Variants in ELAVL2 observed in about 807,000 individuals in gnomAD.
The protein encoded by ELAVL2 is ELAV-like protein 2.
ELAVL2 carries 4 observed loss-of-function variants against 34.6 expected under a neutral mutation model. The ratio of observed to expected loss-of-function variants is 0.12; its 90% CI spans 0.06 to 0.26. The LOEUF is 0.26. Ranked by LOEUF, ELAVL2 falls within the 10% of genes least tolerant of loss-of-function variation. ELAVL2 has a pLI of 1.00. For missense variants in ELAVL2, 432 were observed against 442.8 expected (o/e 0.98, Z 0.22); for synonymous variants, 193 against 154.8 (o/e 1.25, Z -1.83).
At chr9:23,712,523 T>C (rs16907633) in intron 3 of ELAVL2, among the ~76,000 whole-genome samples, 7,196 of 152,242 alleles carry the variant, frequency 0.047, 548 homozygotes, top group African/African-American at 0.16. Flanking sequence ...TAGGAGATGT[T>C]GGAGAAAAAA....
chr9:23,799,975 A>T (rs1463893517), intron 1 of ELAVL2, among the ~76,000 whole-genome samples: 2 of 152,186 alleles, frequency 1.3e-5, no homozygotes, highest in African/African-American at 4.8e-5. Context: ...GGTGCAGGGG[A>T]CAGACCTAAT....
At chr9:23,748,184 A>C (rs1275698378) in intron 2 of ELAVL2, among the ~76,000 whole-genome samples, 1 of 151,162 alleles carries the variant, frequency 6.6e-6, no homozygotes, top group East Asian at 2.0e-4. Flanking sequence ...GTAGGGGGAA[A>C]GAGTACTAGG....
rs74910324 is a variant in ELAVL2 at position 23,783,781 on chromosome 9, G to C, written c.-15-21532C>G. 8.2e-4 allele frequency among the ~76,000 whole-genome samples: 125 copies of C among 151,814 alleles called. 3 individuals are homozygous for C. In the East Asian group the frequency reaches 0.022, roughly 27 times the overall value. Reference sequence around the variant, plus strand: ...AGTGTGAGAAGGAGAGATTGTATCTGGATGACAGATGAAAAAAAAAAATCA... The same window carrying C: ...AGTGTGAGAAGGAGAGATTGTATCTCGATGACAGATGAAAAAAAAAAATCA... On this transcript the variant is annotated intron_variant, in intron 1 of 6. Transcript: ENST00000397312.
intron 2 of ELAVL2, among the ~76,000 whole-genome samples, chr9:23,736,806 T>A (rs181986294): frequency 4.1e-4 from 63 of 152,250 alleles, no homozygotes; most frequent in African/African-American, 1.1e-3. Flanking sequence ...CAGGAGAACT[T>A]CTTAAAACAC....
At chr9:23,797,924 G>C (rs1174483281) in intron 1 of ELAVL2, among the ~76,000 whole-genome samples, 3 of 151,512 alleles carry the variant, frequency 2.0e-5, no homozygotes, top group Non-Finnish European at 4.4e-5. Context: ...GTGAAACTCT[G>C]TCTCAAAAGA....
chr9:23,840,965 C>T, the ELAVL2 span, among the ~76,000 whole-genome samples: 2 of 152,224 alleles, frequency 1.3e-5, no homozygotes, highest in East Asian at 1.9e-4. Flanking sequence ...GACATGACCA[C>T]CCCACAAGTT....
chr9:23,735,829 C>T (rs912057995), intron 2 of ELAVL2, among the ~76,000 whole-genome samples: 19 of 152,122 alleles, frequency 1.2e-4, no homozygotes, highest in Non-Finnish European at 1.9e-4. Flanking sequence ...AGCTGAAGCA[C>T]TCCAGAGGCC....
At chr9:23,773,864 T>C (rs1285723571) in intron 1 of ELAVL2, among the ~76,000 whole-genome samples, 1 of 152,086 alleles carries the variant, frequency 6.6e-6, no homozygotes, top group African/African-American at 2.4e-5. Flanking sequence ...ACAGAGGGTA[T>C]TATCATTATT....
chr9:23,835,470 C>A, the ELAVL2 span, among the ~76,000 whole-genome samples: 4 of 152,048 alleles, frequency 2.6e-5, no homozygotes, highest in African/African-American at 9.7e-5. Context: ...ATTCCATTTA[C>A]ATAGGCTAAC....
At chr9:23,848,861 T>C in the ELAVL2 span, among the ~76,000 whole-genome samples, 1 of 152,176 alleles carries the variant, frequency 6.6e-6, no homozygotes, top group Non-Finnish European at 1.5e-5. Flanking sequence ...TGAGAAAACT[T>C]AGATGGCCTT....
intron 1 of ELAVL2, among the ~76,000 whole-genome samples, chr9:23,796,263 T>C (rs761015042): frequency 2.0e-5 from 3 of 152,234 alleles, no homozygotes; most frequent in Non-Finnish European, 4.4e-5. Flanking sequence ...TATTTACAAA[T>C]GTGGAAGCTT....
chr9:23,744,225 G>C (rs1181857763), intron 2 of ELAVL2, among the ~76,000 whole-genome samples: 2 of 152,164 alleles, frequency 1.3e-5, no homozygotes, highest in East Asian at 3.9e-4. Flanking sequence ...TTCACAAATA[G>C]ATTCTGATGT....
At chr9:23,741,262 A>G (rs1049631831) in intron 2 of ELAVL2, among the ~76,000 whole-genome samples, 3 of 152,176 alleles carry the variant, frequency 2.0e-5, no homozygotes, top group Non-Finnish European at 4.4e-5. Flanking sequence ...TAAGGCATCT[A>G]TGTAGAGGTA....
At chr9:23,783,216 T>C (rs1030556021) in intron 1 of ELAVL2, among the ~76,000 whole-genome samples, 2 of 152,196 alleles carry the variant, frequency 1.3e-5, no homozygotes, top group African/African-American at 2.4e-5. Context: ...AGCAGAATTA[T>C]CCTTACCTCA....
chr9:23,697,256 C>A (rs2132912577), intron 5 of ELAVL2, among the ~76,000 whole-genome samples: 1 of 152,154 alleles, frequency 6.6e-6, no homozygotes, highest in Non-Finnish European at 1.5e-5. Context: ...AAGGGAAATA[C>A]AAGTAAATAA....
At chr9:23,825,404 C>A (rs1301353407) in intron 1 of ELAVL2, among the ~76,000 whole-genome samples, 1 of 152,182 alleles carries the variant, frequency 6.6e-6, no homozygotes, top group Non-Finnish European at 1.5e-5. Flanking sequence ...TCTGATTCCC[C>A]TTAATGATTG....
intron 1 of ELAVL2, among the ~76,000 whole-genome samples, chr9:23,807,380 A>G (rs1330507701): frequency 6.6e-6 from 1 of 152,072 alleles, no homozygotes; most frequent in Non-Finnish European, 1.5e-5. Flanking sequence ...GTAATTTCCC[A>G]TATTCTACCC....
chr9:23,775,804 GTT>G (rs889079457), intron 1 of ELAVL2, among the ~76,000 whole-genome samples: 1 of 152,090 alleles, frequency 6.6e-6, no homozygotes, highest in Non-Finnish European at 1.5e-5. Context: ...CACCCAACCT[GTT>G]TTCTCCACCT....
intron 2 of ELAVL2, among the ~76,000 whole-genome samples, chr9:23,752,292 A>C (rs1213515156): frequency 6.6e-6 from 1 of 152,098 alleles, no homozygotes; most frequent in Non-Finnish European, 1.5e-5. Context: ...ACCCAAGTGT[A>C]ACAATGTTCT....
Sources: gnomAD v4.1 joint callset for allele counts (sites outside exome capture counted in the v4.1 genomes callset) on GRCh38, gnomAD v4.1.1 for gene constraint, MANE v1.5 for transcripts, NCBI Gene and HGNC (gene_info 2026-07-23, HGNC 2026-07-21) for gene names.